The following UNC13C variants were observed in gnomAD, a reference collection of about 807,000 sequenced individuals.
UNC13C encodes protein unc-13 homolog C.
A neutral mutation model predicts 245.4 loss-of-function variants in UNC13C; 174 were observed. That is an observed-to-expected ratio of 0.71 (90% CI 0.63 to 0.80). The LOEUF (loss-of-function observed/expected upper bound fraction) is 0.80. Among genes scored for constraint, UNC13C ranks in the 30% least tolerant of loss-of-function variants. UNC13C has a pLI of 0.00. For synonymous variants in UNC13C, 992 were observed against 895.1 expected, an observed-to-expected ratio of 1.11 and a Z score of -1.93; for missense variants, 2,829 against 2,602.9, an observed-to-expected ratio of 1.09 and a Z score of -1.89.
intron 4 of UNC13C, among the ~76,000 whole-genome samples, chr15:54,193,002 C>T (rs2034238334): frequency 2.0e-5 from 3 of 151,998 alleles, no homozygotes; most frequent in Admixed American, 2.0e-4. Context: ...TCAAGTAACT[C>T]AAAGCTCACA....
chr15:54,154,502 G>A (rs181613120), intron 4 of UNC13C, among the ~76,000 whole-genome samples: 58 of 152,154 alleles, frequency 3.8e-4, no homozygotes, highest in Admixed American at 7.8e-4. Context: ...AGTATAAATC[G>A]TATATTAACC....
At chr15:54,354,149 G>C (rs569674055) in intron 17 of UNC13C, among the ~76,000 whole-genome samples, 2 of 151,640 alleles carry the variant, frequency 1.3e-5, no homozygotes, top group South Asian at 2.1e-4. Context: ...AAGTTACTTC[G>C]TTCTTCTAAG....
chr15:54,557,570 T>G (rs1897140112), intron 29 of UNC13C, among the ~76,000 whole-genome samples: 1 of 151,448 alleles, frequency 6.6e-6, no homozygotes, highest in Non-Finnish European at 1.5e-5. Context: ...AGATTCAATG[T>G]CTCCCCGGAG....
intron 2 of UNC13C, among the ~76,000 whole-genome samples, chr15:54,134,575 A>C (rs1416636823): frequency 6.6e-6 from 1 of 152,042 alleles, no homozygotes; most frequent in East Asian, 1.9e-4. Context: ...ACTGGAGTGC[A>C]GTGGCGCGAT....
At chr15:54,435,834 C>T (rs1003973379) in intron 19 of UNC13C, among the ~76,000 whole-genome samples, 1 of 151,436 alleles carries the variant, frequency 6.6e-6, no homozygotes, top group African/African-American at 2.4e-5. Flanking sequence ...ATCCATCTGA[C>T]AAAGGGCTAA....
chr15:54,623,040 T>C (rs1328095233), intron 31 of UNC13C, among the ~76,000 whole-genome samples: 1 of 152,182 alleles, frequency 6.6e-6, no homozygotes, highest in African/African-American at 2.4e-5. Context: ...ATAGATTATA[T>C]ACAGTAGTAT....
intron 2 of UNC13C, among the ~76,000 whole-genome samples, chr15:54,057,553 A>G (rs527672746): frequency 6.8e-4 from 103 of 151,976 alleles, no homozygotes; most frequent in African/African-American, 2.3e-3. Flanking sequence ...ACAGATCAAC[A>G]AGACAGAAAG....
At chr15:53,859,586 T>A in the UNC13C span, among the ~76,000 whole-genome samples, 1 of 152,194 alleles carries the variant, frequency 6.6e-6, no homozygotes, top group African/African-American at 2.4e-5. Flanking sequence ...AATCTTATAC[T>A]GAAGGAGTCT....
chr15:54,591,887 TTGTC>T (rs1478835761), intron 30 of UNC13C, among the ~76,000 whole-genome samples: 1 of 152,074 alleles, frequency 6.6e-6, no homozygotes, highest in Admixed American at 6.5e-5. Flanking sequence ...TGACCTTAGA[TTGTC>T]TGTGTGTGCT....
the UNC13C span, among the ~76,000 whole-genome samples, chr15:53,890,112 A>T: frequency 6.7e-6 from 1 of 148,946 alleles, no homozygotes; most frequent in Admixed American, 6.7e-5. Flanking sequence ...TGTTTGGAAT[A>T]GTTTCAGAAG....
chr15:54,015,479 A>G lies in UNC13C; in HGVS notation c.2576A>G (p.Tyr859Cys), dbSNP rs748737181. 3 of 1,613,162 alleles carry G rather than the reference A, an allele frequency of 1.9e-6. No individual in the cohort carries two copies. Among genetic ancestry groups the G allele is most frequent in the African/African-American group, 1.3e-5 (1 of 75,030 alleles). Residue 859 changes from tyrosine to cysteine, a missense_variant, in exon 2 of 33, where the codon TAT (tyrosine) becomes TGT (cysteine). Coordinates refer to ENST00000260323, the MANE Select transcript of UNC13C (RefSeq NM_001080534.3). Reference protein sequence around the residue: ...DSDVYTEPYYYKAEDEEDYTE... With the variant: ...DSDVYTEPYYCKAEDEEDYTE... ...GATGTCTACACGGAGCCCTATTACT[A>G]TAAAGCAGAGGATGAGGAAGATTAT...
intron 4 of UNC13C, among the ~76,000 whole-genome samples, chr15:54,174,225 A>T (rs553345297): frequency 6.6e-6 from 1 of 152,316 alleles, no homozygotes; most frequent in African/African-American, 2.4e-5. Flanking sequence ...TTAAATAAAT[A>T]AAGAGGTATT....
chr15:54,344,080 T>C (rs982932204), intron 17 of UNC13C, among the ~76,000 whole-genome samples: 1 of 152,184 alleles, frequency 6.6e-6, no homozygotes, highest in Admixed American at 6.5e-5. Flanking sequence ...ATGCAGAAAC[T>C]AACATGGAAG....
chr15:54,482,794 T>G (rs1362122079), intron 19 of UNC13C, among the ~76,000 whole-genome samples: 2 of 152,198 alleles, frequency 1.3e-5, no homozygotes, highest in Non-Finnish European at 2.9e-5. Flanking sequence ...AAGCAGTGTA[T>G]ATTTTACTTT....
At chr15:54,323,548 C>G (rs1296346697) in intron 14 of UNC13C, among the ~76,000 whole-genome samples, 1 of 151,896 alleles carries the variant, frequency 6.6e-6, no homozygotes, top group African/African-American at 2.4e-5. Flanking sequence ...TTGATAAAAG[C>G]TAAAAGTGTC....
intron 1 of UNC13C, among the ~76,000 whole-genome samples, chr15:54,003,844 C>T (rs1438289663): frequency 2.0e-5 from 3 of 152,108 alleles, no homozygotes; most frequent in Non-Finnish European, 4.4e-5. Flanking sequence ...AACCCTGTCT[C>T]TACTAAAAAT....
At chr15:54,617,266 CCTGT>C (rs1397827143) in intron 30 of UNC13C, among the ~76,000 whole-genome samples, 1 of 151,994 alleles carries the variant, frequency 6.6e-6, no homozygotes, top group African/African-American at 2.4e-5. Context: ...TGTTTCATAT[CCTGT>C]CTTTTAGTGT....
rs565625296 is a variant in UNC13C at position 53,981,628 on chromosome 15, A to G, written c.-257+2701A>G. On this transcript the variant is annotated intron_variant, in intron 1 of 32. Coordinates refer to ENST00000260323, the MANE Select transcript of UNC13C (RefSeq NM_001080534.3). ...CTCCAACTTTCTTCTAGCTTAAAAA[A>G]AAGGATTTATTAATAGCCCTCTCAA... Among the ~76,000 whole-genome samples the G allele has an allele frequency of 1.8e-4, 28 of 152,312 alleles. 1 individual carries two copies. In the South Asian group the frequency reaches 5.6e-3, roughly 30 times the overall value.
chr15:53,929,799 G>A, the UNC13C span, among the ~76,000 whole-genome samples: 1 of 152,136 alleles, frequency 6.6e-6, no homozygotes, highest in African/African-American at 2.4e-5. Context: ...TTCAAATGTA[G>A]CTCTTCATTC....
Sources: gnomAD v4.1 joint callset for allele counts (sites outside exome capture counted in the v4.1 genomes callset) on GRCh38, gnomAD v4.1.1 for gene constraint, MANE v1.5 for transcripts, NCBI Gene and HGNC (gene_info 2026-07-23, HGNC 2026-07-21) for gene names.